PAH: variants seen among roughly 807,000 people sequenced by gnomAD.
PAH encodes phenylalanine hydroxylase.
A neutral mutation model predicts 62.0 loss-of-function variants in PAH; 64 were observed. That is an observed-to-expected ratio of 1.03 (90% confidence interval 0.84 to 1.27). The LOEUF is 1.27. Among genes scored for constraint, PAH ranks in the 50% most tolerant of loss-of-function variants. The pLI is 0.00. For synonymous variants in PAH, 195 were observed against 196.2 expected, an observed-to-expected ratio of 0.99 and a Z score of 0.05; for missense variants, 579 against 542.8, an observed-to-expected ratio of 1.07 and a Z score of -0.66.
At chr12:102,937,490 C>T (rs61943181) in intron 1 of PAH, among the ~76,000 whole-genome samples, 9,543 of 151,996 alleles carry the variant, frequency 0.063, 340 homozygotes, top group Admixed American at 0.11. Flanking sequence ...TAATTTAATC[C>T]GATGACAACT....
intron 1 of PAH, among the ~76,000 whole-genome samples, chr12:102,943,117 A>G (rs777675213): frequency 1.3e-5 from 2 of 152,174 alleles, no homozygotes; most frequent in Admixed American, 6.6e-5. Context: ...AAAATAAAGT[A>G]TCAATAGAGA....
chr12:102,883,679 A>G (rs1876912994), intron 3 of PAH, among the ~76,000 whole-genome samples: 2 of 152,206 alleles, frequency 1.3e-5, no homozygotes, highest in Admixed American at 1.3e-4. Flanking sequence ...CCGAGGTAGC[A>G]CTGCGAGGCT....
chr12:102,840,811 A>G (rs948263844), intron 11 of PAH, among the ~76,000 whole-genome samples: 2 of 152,222 alleles, frequency 1.3e-5, no homozygotes, highest in Admixed American at 6.5e-5. Flanking sequence ...ATAAAGCCAC[A>G]AACTCCTATC....
At chr12:102,915,615 C>T (rs1878352699) in intron 1 of PAH, among the ~76,000 whole-genome samples, 1 of 152,218 alleles carries the variant, frequency 6.6e-6, no homozygotes, top group African/African-American at 2.4e-5. Context: ...CATTTCTCTC[C>T]ATGCACTTTG....
intron 1 of PAH, chr12:102,946,654 T>A (rs1879508531): frequency 6.5e-6 from 1 of 152,810 alleles, no homozygotes; most frequent in Non-Finnish European, 1.5e-5. Flanking sequence ...GGGGAGGAGT[T>A]GCATCAGCAA....
rs1874490662 is a variant in PAH, at chr12:102,839,352, C to T, written c.1316-134G>A. 10 of 781,848 alleles carry T rather than the reference C, an allele frequency of 1.3e-5. No individual in the cohort carries two copies. The South Asian group carries it at 1.3e-4, about 10-fold the overall frequency. 48.4% of individuals were successfully genotyped at this position (781,848 alleles called of 1,614,324 possible). Reference sequence around the variant, plus strand: ...GGGTGCCACCCCAACTTTCAAGGAGCTTACAGCCTCATTATGGTATAAGTA... The same window carrying T: ...GGGTGCCACCCCAACTTTCAAGGAGTTTACAGCCTCATTATGGTATAAGTA... On this transcript the variant is annotated intron_variant, in intron 12 of 12. Coordinates refer to ENST00000553106, the MANE Select transcript of PAH (RefSeq NM_000277.3).
At chr12:102,877,853 C>T (rs1054864933) in intron 3 of PAH, among the ~76,000 whole-genome samples, 1 of 152,094 alleles carries the variant, frequency 6.6e-6, no homozygotes, top group African/African-American at 2.4e-5. Context: ...GAATTTTTTT[C>T]CCTTCTGTCA....
upstream of PAH, among the ~76,000 whole-genome samples, chr12:102,921,871 C>A (rs539745289): frequency 6.6e-6 from 1 of 152,182 alleles, no homozygotes; most frequent in Non-Finnish European, 1.5e-5. Flanking sequence ...TGAAAGTTAT[C>A]CCTTATATTT....
At chr12:102,883,961 G>A (rs984583551) in intron 3 of PAH, among the ~76,000 whole-genome samples, 3 of 152,222 alleles carry the variant, frequency 2.0e-5, no homozygotes, top group African/African-American at 7.2e-5. Context: ...ATGAACTCAT[G>A]TATGAAGAGT....
chr12:102,853,295 G>A, intron 6 of PAH: 1 of 344,740 alleles, frequency 2.9e-6, no homozygotes, highest in Non-Finnish European at 5.6e-6. Context: ...ATTTGTTAGG[G>A]TGGAACAATG....
chr12:102,943,820 A>G (rs942752340), intron 1 of PAH, among the ~76,000 whole-genome samples: 1 of 152,196 alleles, frequency 6.6e-6, no homozygotes, highest in African/African-American at 2.4e-5. Context: ...AGAAAACCAA[A>G]TAAACACTGA....
At chr12:102,933,544 C>T (rs1158170952) in intron 1 of PAH, among the ~76,000 whole-genome samples, 3 of 151,934 alleles carry the variant, frequency 2.0e-5, no homozygotes, top group African/African-American at 4.8e-5. Flanking sequence ...TTTGAGGAAC[C>T]TCCAAACTGT....
intron 3 of PAH, among the ~76,000 whole-genome samples, chr12:102,891,995 G>A (rs1013147102): frequency 6.6e-6 from 1 of 152,204 alleles, no homozygotes; most frequent in Non-Finnish European, 1.5e-5. Context: ...AAAAAAGCAA[G>A]GGAGGGCAGT....
chr12:102,871,807 A>G (rs1466906029), intron 4 of PAH, among the ~76,000 whole-genome samples: 1 of 151,708 alleles, frequency 6.6e-6, no homozygotes, highest in Non-Finnish European at 1.5e-5. Context: ...CTGTAATCCC[A>G]GCTACTCGGG....
intron 4 of PAH, among the ~76,000 whole-genome samples, chr12:102,872,978 T>C (rs553713877): frequency 6.6e-6 from 1 of 152,068 alleles, no homozygotes; most frequent in South Asian, 2.1e-4. Flanking sequence ...AAAAAAACCA[T>C]GTAGTTTCAA....
At chr12:102,934,088 A>G (rs1879012493) in intron 1 of PAH, among the ~76,000 whole-genome samples, 1 of 151,806 alleles carries the variant, frequency 6.6e-6, no homozygotes, top group African/African-American at 2.4e-5. Flanking sequence ...TTAAATTTTG[A>G]TTTGATTTTT....
At chr12:102,904,143 C>A (rs1282084606) in intron 2 of PAH, among the ~76,000 whole-genome samples, 1 of 152,182 alleles carries the variant, frequency 6.6e-6, no homozygotes, top group Non-Finnish European at 1.5e-5. Flanking sequence ...AGAACTTCTA[C>A]TTCTTATCTT....
At chr12:102,891,009 G>A (rs976979630) in intron 3 of PAH, among the ~76,000 whole-genome samples, 5 of 152,150 alleles carry the variant, frequency 3.3e-5, no homozygotes, top group African/African-American at 7.2e-5. Flanking sequence ...GCTTGAACCC[G>A]AGAGGCGGAG....
chr12:102,881,622 T>A (rs1453176417), intron 3 of PAH, among the ~76,000 whole-genome samples: 2 of 152,192 alleles, frequency 1.3e-5, no homozygotes, highest in East Asian at 3.8e-4. Context: ...ATTTCTCTCA[T>A]CACCCTACCC....
Sources: allele counts gnomAD v4.1 joint callset (sites outside exome capture counted in the v4.1 genomes callset), GRCh38; gene constraint gnomAD v4.1.1; transcripts MANE v1.5; gene names NCBI Gene and HGNC (gene_info 2026-07-23, HGNC 2026-07-21).